Variants in PRKD1 observed in about 807,000 individuals in gnomAD.
The protein encoded by PRKD1 is protein kinase D1.
A neutral mutation model predicts 95.9 loss-of-function variants in PRKD1; 63 were observed. The observed-to-expected ratio is 0.66, with a 90% CI of 0.54 to 0.81. The LOEUF is 0.81. Among genes scored for constraint, PRKD1 ranks in the 30% least tolerant of loss-of-function variants. The pLI, the probability that PRKD1 is intolerant of heterozygous loss-of-function variation, is 0.00. For missense variants in PRKD1, 1,048 were observed against 1,165.3 expected (o/e 0.90, Z 1.47); for synonymous variants, 425 against 423.1 (o/e 1.00, Z -0.05).
At chr14:29,618,638 G>T (rs1455329931) in intron 13 of PRKD1, among the ~76,000 whole-genome samples, 2 of 152,020 alleles carry the variant, frequency 1.3e-5, no homozygotes, top group East Asian at 3.9e-4. Context: ...TATTCCAAAT[G>T]GCATGAGATG....
chr14:29,862,057 T>A (rs1218894670), intron 1 of PRKD1, among the ~76,000 whole-genome samples: 1 of 152,168 alleles, frequency 6.6e-6, no homozygotes, highest in Non-Finnish European at 1.5e-5. Context: ...CTAGTAACCC[T>A]CCTTCTACTC....
chr14:29,888,206 A>C (rs1354091644), intron 1 of PRKD1, among the ~76,000 whole-genome samples: 2 of 152,090 alleles, frequency 1.3e-5, no homozygotes, highest in Non-Finnish European at 2.9e-5. Flanking sequence ...TTGGAGGCTA[A>C]GGTGGGAGGA....
rs1002705098 is a variant in PRKD1 at position 29,663,089 on chromosome 14, C to CTATATAATA, written c.696+601_696+609dup. ...ATATATAATATATATAAAATATATACTATATAATATATATAATATATAAAA... is the reference window on the plus strand; with the variant it reads ...ATATATAATATATATAAAATATATACTATATAATATATATAATATATATAATATATAAAA... On this transcript the variant is annotated intron_variant, in intron 4 of 17. Coordinates refer to ENST00000331968, the MANE Select transcript of PRKD1 (RefSeq NM_002742.3). Among the ~76,000 whole-genome samples the CTATATAATA allele has an allele frequency of 1.2e-3, 167 of 136,368 alleles. 1 individual carries two copies. The highest frequency in any genetic ancestry group is 7.3e-3 in the Admixed American group (97 of 13,220). The allele number at this position is 136,368 out of a possible 152,430, so 89.5% of individuals were successfully genotyped here. A position where few individuals can be genotyped will look rare whatever the true frequency, so the allele number is the denominator to read the frequency against.
At chr14:29,915,792 A>G (rs1894868831) in intron 1 of PRKD1, among the ~76,000 whole-genome samples, 1 of 152,182 alleles carries the variant, frequency 6.6e-6, no homozygotes, top group Non-Finnish European at 1.5e-5. Flanking sequence ...TTCCTCCCAT[A>G]ATCTGATAAT....
rs770682665 is a variant in PRKD1 at position 29,599,793 on chromosome 14, T to A, written c.1930A>T (p.Asn644Tyr). Reference sequence around the variant, plus strand: ...GGCGTCTCAAACATACACTCCAAATTTACAACACCAGGGTGATGAAGGTTC... The same window carrying A: ...GGCGTCTCAAACATACACTCCAAATATACAACACCAGGGTGATGAAGGTTC... Reference protein sequence around the residue: ...LQNLHHPGVVNLECMFETPER... With the variant: ...LQNLHHPGVVYLECMFETPER... Residue 644 changes from asparagine to tyrosine, a missense_variant, in exon 14 of 18, where the codon AAT becomes TAT. By Grantham distance (143) the Asn-to-Tyr change is moderately radical. Coordinates refer to ENST00000331968, the MANE Select transcript of PRKD1 (RefSeq NM_002742.3). 1.9e-6 allele frequency: 3 copies of A among 1,612,384 alleles called. No homozygotes were observed. The highest frequency in any genetic ancestry group is 2.5e-6 in the Non-Finnish European group (3 of 1,179,498).
At chr14:29,747,868 C>A (rs1278517492) in intron 1 of PRKD1, among the ~76,000 whole-genome samples, 2 of 151,980 alleles carry the variant, frequency 1.3e-5, no homozygotes, top group African/African-American at 4.8e-5. Context: ...CTCTGCCTAC[C>A]GAGCAGCTGG....
At chr14:29,605,882 C>T (rs996178295) in intron 13 of PRKD1, among the ~76,000 whole-genome samples, 5 of 152,086 alleles carry the variant, frequency 3.3e-5, no homozygotes, top group African/African-American at 4.8e-5. Context: ...GCATCAAGTA[C>T]GATATATAGT....
At chr14:29,921,747 G>T (rs1413827690) in intron 1 of PRKD1, among the ~76,000 whole-genome samples, 1 of 152,186 alleles carries the variant, frequency 6.6e-6, no homozygotes. Flanking sequence ...GCACAGTCAT[G>T]AAGTATGGTC....
intron 1 of PRKD1, among the ~76,000 whole-genome samples, chr14:29,860,618 A>C (rs1267198061): frequency 6.6e-6 from 1 of 152,212 alleles, no homozygotes; most frequent in Non-Finnish European, 1.5e-5. Context: ...AACTTTAGAA[A>C]TTAAATTTAA....
intron 1 of PRKD1, among the ~76,000 whole-genome samples, chr14:29,791,498 A>G (rs1467663563): frequency 6.6e-6 from 1 of 152,146 alleles, no homozygotes; most frequent in African/African-American, 2.4e-5. Flanking sequence ...CTACCCGTCA[A>G]TTCCAGACAA....
At chr14:29,601,252 G>T (rs1437291463) in intron 13 of PRKD1, among the ~76,000 whole-genome samples, 1 of 152,144 alleles carries the variant, frequency 6.6e-6, no homozygotes, top group East Asian at 1.9e-4. Flanking sequence ...GGCATCAACT[G>T]GATATAGAAC....
At chr14:29,672,296 G>T (rs751511042) in intron 2 of PRKD1, among the ~76,000 whole-genome samples, 3 of 151,544 alleles carry the variant, frequency 2.0e-5, no homozygotes, top group Non-Finnish European at 2.9e-5. Context: ...AGCCGAGATC[G>T]TGCCACTGCA....
intron 1 of PRKD1, among the ~76,000 whole-genome samples, chr14:29,769,711 T>C (rs934083501): frequency 6.6e-6 from 1 of 152,192 alleles, no homozygotes. Context: ...ATATACCACA[T>C]ACACATGCAT....
intron 1 of PRKD1, among the ~76,000 whole-genome samples, chr14:29,915,722 A>G (rs1242901573): frequency 6.6e-6 from 1 of 152,156 alleles, no homozygotes; most frequent in Non-Finnish European, 1.5e-5. Flanking sequence ...ATAATACCAC[A>G]CTGTCAAAGT....
intron 1 of PRKD1, among the ~76,000 whole-genome samples, chr14:29,823,627 C>T (rs1891002000): frequency 6.6e-6 from 1 of 152,080 alleles, no homozygotes; most frequent in Admixed American, 6.6e-5. Flanking sequence ...CATTATACAA[C>T]CGACCACTGA....
intron 1 of PRKD1, among the ~76,000 whole-genome samples, chr14:29,861,216 TGGAGAAAAG>T (rs1479952470): frequency 1.3e-5 from 2 of 152,020 alleles, no homozygotes; most frequent in African/African-American, 4.8e-5. Flanking sequence ...AAAAATGGAA[TGGAGAAAAG>T]AGGGCTTTCT....
Position 29,889,779 on chromosome 14 carries a change from C to G in PRKD1, c.264+37470G>C, listed in dbSNP as rs569705234. 2.0e-5 allele frequency among the ~76,000 whole-genome samples: 3 copies of G among 152,258 alleles called. No homozygotes were observed. The South Asian group carries it at 6.2e-4, about 32-fold the overall frequency. On this transcript the variant is annotated intron_variant, in intron 1 of 17. Coordinates refer to ENST00000331968, the MANE Select transcript of PRKD1 (RefSeq NM_002742.3). ...AGAGGGATAGTGTTAGGAGAAATAC[C>G]TAATGTAAATGATGAGTGGAAGGGT...
intron 3 of PRKD1, among the ~76,000 whole-genome samples, chr14:29,665,876 C>A (rs1304057939): frequency 6.6e-6 from 1 of 151,882 alleles, no homozygotes; most frequent in Non-Finnish European, 1.5e-5. Flanking sequence ...ATTTTCTCAA[C>A]CAAACGAGTG....
intron 1 of PRKD1, among the ~76,000 whole-genome samples, chr14:29,893,226 T>C (rs1894000313): frequency 6.6e-6 from 1 of 152,134 alleles, no homozygotes; most frequent in South Asian, 2.1e-4. Context: ...ACAAAAATTT[T>C]AAAGATCAGA....
Sources: gnomAD v4.1 joint callset for allele counts (sites outside exome capture counted in the v4.1 genomes callset) on GRCh38, gnomAD v4.1.1 for gene constraint, MANE v1.5 for transcripts, NCBI Gene and HGNC (gene_info 2026-07-23, HGNC 2026-07-21) for gene names.